MS4A3: variants seen among roughly 807,000 people sequenced by gnomAD.
The protein encoded by MS4A3 is membrane-spanning 4-domains subfamily A member 3.
Under a neutral mutation model 24.7 loss-of-function variants are expected in MS4A3, and 18 were observed. The ratio of observed to expected loss-of-function variants is 0.73; its 90% CI spans 0.50 to 1.08. The LOEUF is 1.08. Among genes scored for constraint, MS4A3 ranks in the 50% least tolerant of loss-of-function variants. The pLI is 0.00. For synonymous variants in MS4A3, 84 were observed against 95.3 expected, an observed-to-expected ratio of 0.88 and a Z score of 0.69; for missense variants, 282 against 251.7, an observed-to-expected ratio of 1.12 and a Z score of -0.82.
chr11:60,069,443 G>A (rs1256703837), intron 5 of MS4A3, 131 bp from the exon 6 acceptor site: 4 of 654,584 alleles, frequency 6.1e-6, no homozygotes, highest in Non-Finnish European at 1.1e-5. Flanking sequence ...ATGTGTCTCT[G>A]TCTTTAATTT....
Position 60,070,411 on chromosome 11 carries a change from A to G in MS4A3, c.*178A>G. 3.6e-6 allele frequency: 2 copies of G among 557,092 alleles called. No homozygotes were observed. The highest frequency in any genetic ancestry group is 6.3e-6 in the Non-Finnish European group (2 of 318,064). The allele number at this position is 557,092 out of a possible 1,614,324, so 34.5% of individuals were successfully genotyped here. On this transcript the variant is annotated 3_prime_UTR_variant, in exon 7 of 7. Transcript: ENST00000278865. ...GACTGACTCTATCCTTTCTCTCCTA[A>G]CTATAAATCCTATTTGTGTGTCGTG...
At chr11:60,057,547 G>C (rs1011855310) in intron 1 of MS4A3, among the ~76,000 whole-genome samples, 121 of 152,226 alleles carry the variant, frequency 7.9e-4, no homozygotes, top group Middle Eastern at 6.8e-3. Flanking sequence ...TGGGATTACA[G>C]GCGCGTGCTG....
At chr11:60,064,228 T>G in intron 3 of MS4A3, 34 bp from the exon 4 acceptor site, 1 of 1,545,742 alleles carries the variant, frequency 6.5e-7, no homozygotes, top group Non-Finnish European at 8.8e-7. Flanking sequence ...GACTTAATAT[T>G]CCTTTATCTG....
intron 5 of MS4A3, among the ~76,000 whole-genome samples, chr11:60,068,483 A>T (rs1441142256): frequency 1.4e-5 from 2 of 146,338 alleles, no homozygotes; most frequent in African/African-American, 2.5e-5. Flanking sequence ...CGATCTCCTG[A>T]CCTCGTGATC....
At chr11:60,067,358 C>A (rs533009394) in intron 5 of MS4A3, among the ~76,000 whole-genome samples, 1 of 151,922 alleles carries the variant, frequency 6.6e-6, no homozygotes, top group East Asian at 2.0e-4. Context: ...GGACTACAGG[C>A]GGCCACCACC....
rs1330033463 is a variant in MS4A3, at chr11:60,068,263, G to A, written c.513+1151G>A. Among the ~76,000 whole-genome samples, 8 of 128,730 alleles carry A rather than the reference G, an allele frequency of 6.2e-5. No individual in the cohort carries two copies. In the East Asian group the frequency reaches 9.9e-4, roughly 16 times the overall value. The allele number at this position is 128,730 out of a possible 152,430, so 84.5% of individuals were successfully genotyped here. ...CTTTTTTTTTTTTTTTTTTTGAGAC[G>A]GAGTCTTGCTCTGTCACCCAGGCTG... is the stretch of plus-strand genomic sequence containing the variant. On this transcript the variant is annotated intron_variant, in intron 5 of 6. Transcript: ENST00000278865.
chr11:60,068,238 CTTTTTTTT>C (rs71456407), intron 5 of MS4A3, among the ~76,000 whole-genome samples: 4 of 103,916 alleles, frequency 3.8e-5, no homozygotes, highest in Non-Finnish European at 7.3e-5. Context: ...ATAACCTTAC[CTTTTTTTT>C]TTTTTTTTTT....
intron 1 of MS4A3, among the ~76,000 whole-genome samples, chr11:60,057,205 TTC>T (rs1855184333): frequency 6.6e-6 from 1 of 152,292 alleles, no homozygotes; most frequent in East Asian, 1.9e-4. Context: ...GCTACTTAAC[TTC>T]TTTGTTCCTC....
Position 60,062,351 on chromosome 11 carries a change from G to A in MS4A3, c.157-117G>A, listed in dbSNP as rs141308918. On this transcript the variant is annotated intron_variant, in intron 2 of 6. Transcript: ENST00000278865. ...GCTCTCGTTCTGTTAATTTAGGCTT[G>A]ACACTTTAACCATTTCAAGCACCGA... 987 of 1,243,986 alleles carry A rather than the reference G, an allele frequency of 7.9e-4. 7 individuals are homozygous for A. In the African/African-American group the frequency reaches 0.013, roughly 16 times the overall value. 77.1% of individuals were successfully genotyped at this position (1,243,986 alleles called of 1,614,324 possible). A position where few individuals can be genotyped will look rare whatever the true frequency, so the allele number is the denominator to read the frequency against.
intron 6 of MS4A3, 24 bp from the exon 7 acceptor site, chr11:60,070,180 C>T (rs1401220428): frequency 6.3e-7 from 1 of 1,585,724 alleles, no homozygotes; most frequent in Non-Finnish European, 8.7e-7. Flanking sequence ...TGTTCTTGGA[C>T]ATTAATGTTG....
At chr11:60,059,423 G>A (rs1440666045) in intron 1 of MS4A3, among the ~76,000 whole-genome samples, 1 of 151,848 alleles carries the variant, frequency 6.6e-6, no homozygotes, top group Admixed American at 6.6e-5. Flanking sequence ...TTAGGTTTAC[G>A]GGTACATGTA....
chr11:60,065,097 G>A (rs563866060), intron 4 of MS4A3, among the ~76,000 whole-genome samples: 2 of 152,166 alleles, frequency 1.3e-5, no homozygotes, highest in African/African-American at 4.8e-5. Context: ...GGAGTGCAGT[G>A]GTGTGGTCAC....
chr11:60,061,450 G>T, intron 2 of MS4A3, 134 bp downstream of exon 2: 1 of 1,074,728 alleles, frequency 9.3e-7, no homozygotes, highest in African/African-American at 1.6e-5. Context: ...GCCATCCCGA[G>T]ACAGCAAGAA....
At chr11:60,067,951 C>T (rs965590149) in intron 5 of MS4A3, among the ~76,000 whole-genome samples, 23 of 151,766 alleles carry the variant, frequency 1.5e-4, no homozygotes, top group African/African-American at 4.8e-4. Flanking sequence ...ACTTGGGAGG[C>T]TGAGGCAGGA....
intron 1 of MS4A3, 107 bp from the exon 2 acceptor site, chr11:60,061,039 T>G: frequency 3.2e-6 from 3 of 934,176 alleles, no homozygotes; most frequent in Non-Finnish European, 4.6e-6. Flanking sequence ...TTGTGGAGAG[T>G]CATTGTAATG....
intron 4 of MS4A3, among the ~76,000 whole-genome samples, chr11:60,065,275 A>T (rs1855342432): frequency 6.7e-6 from 1 of 149,224 alleles, no homozygotes; most frequent in Non-Finnish European, 1.5e-5. Flanking sequence ...TGGTCTCAAA[A>T]TCTTGGGCTC....
intron 4 of MS4A3, among the ~76,000 whole-genome samples, chr11:60,066,019 C>T (rs1332670600): frequency 6.6e-6 from 1 of 152,196 alleles, no homozygotes; most frequent in African/African-American, 2.4e-5. Context: ...GCTCAACTCC[C>T]AGTCTTCTTC....
At chr11:60,069,425 A>C (rs1197042601) in intron 5 of MS4A3, 149 bp from the exon 6 acceptor site, 15 of 582,604 alleles carry the variant, frequency 2.6e-5, no homozygotes, top group Non-Finnish European at 4.6e-5. Context: ...TCTCTTCTAC[A>C]GTGTTATATG....
intron 1 of MS4A3, among the ~76,000 whole-genome samples, chr11:60,060,502 C>T (rs1168611026): frequency 1.3e-5 from 2 of 152,078 alleles, no homozygotes. Context: ...CTCAGAAAGA[C>T]GTCTTCTATA....
Sources: gnomAD v4.1 joint callset for allele counts (sites outside exome capture counted in the v4.1 genomes callset) on GRCh38, gnomAD v4.1.1 for gene constraint, MANE v1.5 for transcripts, NCBI Gene and HGNC (gene_info 2026-07-23, HGNC 2026-07-21) for gene names.